ACOXL: variants seen among roughly 807,000 people sequenced by gnomAD.
ACOXL encodes the protein acyl-CoA oxidase like.
In ACOXL, 70 loss-of-function variants were observed where a neutral mutation model predicts 71.9. That is an observed-to-expected ratio of 0.97 (90% CI 0.80 to 1.19). ACOXL has a LOEUF of 1.19. Among genes scored for constraint, ACOXL ranks in the 50% most tolerant of loss-of-function variants. The probability of loss-of-function intolerance (pLI) is 0.00; values close to 1 mark genes in which losing one functional copy is unlikely to be tolerated. For missense variants in ACOXL, 703 were observed against 736.3 expected (o/e 0.95, Z 0.52); for synonymous variants, 253 against 281.6 (o/e 0.90, Z 1.02).
intron 16 of ACOXL, among the ~76,000 whole-genome samples, chr2:111,070,455 A>G (rs1235228815): frequency 6.6e-6 from 1 of 152,194 alleles, no homozygotes; most frequent in Non-Finnish European, 1.5e-5. Flanking sequence ...GTAGGAACAC[A>G]TGGACACATA....
rs541092932 is a variant in ACOXL at position 110,903,794 on chromosome 2, G to A, written c.789-4995G>A. On this transcript the variant is annotated intron_variant, in intron 10 of 17. Coordinates refer to ENST00000439055, the MANE Select transcript of ACOXL (RefSeq NM_001142807.4). ...CAGGATGCTGGCAACCAGAGTCCAGGCCTGGACTGTCATGGCCCTTGGTGA... is the reference window on the plus strand; with the variant it reads ...CAGGATGCTGGCAACCAGAGTCCAGACCTGGACTGTCATGGCCCTTGGTGA... Among the ~76,000 whole-genome samples, 19 of 152,350 alleles carry A rather than the reference G, an allele frequency of 1.2e-4. 1 individual carries two copies. The highest frequency in any genetic ancestry group is 6.8e-3 in the Middle Eastern group (2 of 294).
At chr2:111,018,933 C>A (rs1207382120) in intron 14 of ACOXL, among the ~76,000 whole-genome samples, 1 of 152,248 alleles carries the variant, frequency 6.6e-6, no homozygotes, top group East Asian at 1.9e-4. Context: ...TCACCTCCCA[C>A]TCACAGCCCC....
At chr2:110,950,022 CTTTTTT>C (rs548623739) in intron 12 of ACOXL, among the ~76,000 whole-genome samples, 1 of 151,360 alleles carries the variant, frequency 6.6e-6, no homozygotes, top group African/African-American at 2.4e-5. Context: ...AATCCTCTGT[CTTTTTT>C]TTATTTTTAT....
intron 1 of ACOXL, among the ~76,000 whole-genome samples, chr2:110,767,697 G>A (rs1681272622): frequency 6.6e-6 from 1 of 152,174 alleles, no homozygotes; most frequent in African/African-American, 2.4e-5. Context: ...CAACACGCAT[G>A]TCACTCCCTT....
At chr2:110,805,069 A>G (rs1314962965) in intron 8 of ACOXL, among the ~76,000 whole-genome samples, 194 bp from the exon 9 acceptor site, 1 of 152,220 alleles carries the variant, frequency 6.6e-6, no homozygotes, top group Non-Finnish European at 1.5e-5. Flanking sequence ...ACTACCTCCC[A>G]TGAGTCAAGC....
chr2:110,849,628 C>T (rs780360957), intron 10 of ACOXL, among the ~76,000 whole-genome samples: 4 of 152,056 alleles, frequency 2.6e-5, no homozygotes, highest in African/African-American at 4.8e-5. Flanking sequence ...CGTGGTGGCA[C>T]GTGCTTGTAA....
rs576658744 is a variant in ACOXL, at chr2:111,061,109, A to G, written c.1440+11821A>G. On this transcript the variant is annotated intron_variant, in intron 16 of 17. Transcript: ENST00000439055. ...GAAGATGGAGCTAAAAAAGTACTCA[A>G]AGAAATAATAATTGAAAAATCCCCC... Among the ~76,000 whole-genome samples the G allele has an allele frequency of 1.1e-4, 16 of 152,302 alleles. No individual in the cohort carries two copies. The South Asian group carries it at 3.3e-3, about 32-fold the overall frequency.
At chr2:110,805,195 C>T (rs1234508824) in intron 8 of ACOXL, 68 bp from the exon 9 acceptor site, 8 of 1,593,202 alleles carry the variant, frequency 5.0e-6, no homozygotes, top group Non-Finnish European at 6.8e-6. Context: ...ACATGGGAGC[C>T]ACCTGACTTC....
intron 13 of ACOXL, among the ~76,000 whole-genome samples, chr2:110,992,437 G>A (rs1438105345): frequency 2.6e-5 from 4 of 152,174 alleles, no homozygotes; most frequent in African/African-American, 9.7e-5. Context: ...TCTGCACTCC[G>A]AGAGCAGTAG....
At chr2:110,749,029 C>T (rs892237376) in intron 1 of ACOXL, among the ~76,000 whole-genome samples, 2 of 152,150 alleles carry the variant, frequency 1.3e-5, no homozygotes, top group African/African-American at 2.4e-5. Flanking sequence ...TTTTGAAGTT[C>T]GTGTTGATGC....
intron 13 of ACOXL, among the ~76,000 whole-genome samples, chr2:110,994,405 G>A (rs2063303767): frequency 6.6e-6 from 1 of 150,944 alleles, no homozygotes; most frequent in East Asian, 1.9e-4. Flanking sequence ...GCTTCTTAAC[G>A]TTTCTCTCGT....
In ACOXL at chr2:110,928,354, C is replaced by G. The variant is rs563833666; in HGVS notation, c.906-5135C>G. Reference sequence around the variant, plus strand: ...GTTACAACAGCACCTGAAATGATGCCTTGCACAAAGTTAGACTTTATGAAT... The same window carrying G: ...GTTACAACAGCACCTGAAATGATGCGTTGCACAAAGTTAGACTTTATGAAT... On this transcript the variant is annotated intron_variant, in intron 11 of 17. Transcript: ENST00000439055. Among the ~76,000 whole-genome samples the G allele has an allele frequency of 2.0e-5, 3 of 152,272 alleles. No individual in the cohort carries two copies. In the East Asian group the frequency reaches 5.8e-4, roughly 29 times the overall value.
At chr2:110,783,230 ATC>A (rs1002595958) in intron 2 of ACOXL, among the ~76,000 whole-genome samples, 2 of 152,050 alleles carry the variant, frequency 1.3e-5, no homozygotes, top group African/African-American at 4.8e-5. Context: ...TGTTGTGAGG[ATC>A]TGTGCAACAA....
intron 10 of ACOXL, among the ~76,000 whole-genome samples, chr2:110,848,325 A>G (rs567603024): frequency 3.3e-5 from 5 of 152,268 alleles, no homozygotes; most frequent in Admixed American, 2.0e-4. Flanking sequence ...CTTCACAGTG[A>G]GGCTCCAACC....
At chr2:110,796,780 G>T (rs1196325251) in intron 5 of ACOXL, among the ~76,000 whole-genome samples, 1 of 152,192 alleles carries the variant, frequency 6.6e-6, no homozygotes, top group Non-Finnish European at 1.5e-5. Flanking sequence ...AAAAGATCCA[G>T]CATGTCCGTT....
At chr2:111,102,747 T>G (rs2069256520) in intron 17 of ACOXL, among the ~76,000 whole-genome samples, 1 of 152,228 alleles carries the variant, frequency 6.6e-6, no homozygotes, top group Non-Finnish European at 1.5e-5. Flanking sequence ...CCAGGGAATT[T>G]AAATAAATTA....
chr2:110,801,555 A>G (rs1278014314), intron 7 of ACOXL, 97 bp from the exon 8 acceptor site: 37 of 1,084,586 alleles, frequency 3.4e-5, no homozygotes, highest in Non-Finnish European at 5.1e-5. Flanking sequence ...TCTGGAAGTA[A>G]AATAAGGGGC....
intron 15 of ACOXL, among the ~76,000 whole-genome samples, chr2:111,046,012 C>T (rs2066000299): frequency 6.6e-6 from 1 of 152,206 alleles, no homozygotes; most frequent in African/African-American, 2.4e-5. Flanking sequence ...CCATCTCCTG[C>T]ACCCTCTCCT....
At chr2:110,891,288 CA>C (rs1697904651) in intron 10 of ACOXL, among the ~76,000 whole-genome samples, 1 of 152,032 alleles carries the variant, frequency 6.6e-6, no homozygotes, top group Non-Finnish European at 1.5e-5. Flanking sequence ...CACTCTTCCT[CA>C]TTATAGTTAT....
Sources: allele counts gnomAD v4.1 joint callset (sites outside exome capture counted in the v4.1 genomes callset), GRCh38; gene constraint gnomAD v4.1.1; transcripts MANE v1.5; gene names NCBI Gene and HGNC (gene_info 2026-07-23, HGNC 2026-07-21).